The following SMC4 variants were observed in gnomAD, a reference collection of about 807,000 sequenced individuals.
The protein encoded by SMC4 is structural maintenance of chromosomes 4.
A neutral mutation model predicts 145.6 loss-of-function variants in SMC4; 87 were observed. The observed-to-expected ratio is 0.60, with a 90% CI of 0.50 to 0.71. The LOEUF (loss-of-function observed/expected upper bound fraction) is 0.71. Ranked by LOEUF, SMC4 falls within the 30% of genes least tolerant of loss-of-function variation. The pLI, the probability that SMC4 is intolerant of heterozygous loss-of-function variation, is 0.00. For synonymous variants in SMC4, 558 were observed against 500.7 expected, an observed-to-expected ratio of 1.11 and a Z score of -1.53; for missense variants, 1,447 against 1,537.1, an observed-to-expected ratio of 0.94 and a Z score of 0.98.
intron 20 of SMC4, 95 bp downstream of exon 20, chr3:160,431,300 TTTTG>T (rs1339607948): frequency 4.8e-6 from 5 of 1,050,754 alleles, no homozygotes; most frequent in African/African-American, 1.6e-5. Flanking sequence ...GGTTCTTAAA[TTTTG>T]TTTGTGAGCT....
chr3:160,418,011 T>C (rs1716769955), intron 11 of SMC4, 55 bp downstream of exon 11: 1 of 1,443,718 alleles, frequency 6.9e-7, no homozygotes, highest in South Asian at 1.2e-5. Context: ...TTCAGCTTTA[T>C]ACATTTTTGT....
intron 7 of SMC4, chr3:160,412,708 A>T: frequency 1.3e-6 from 1 of 771,136 alleles, no homozygotes. Context: ...CAAAAAAAGG[A>T]ATTATGTGGT....
At chr3:160,412,501 A>G (rs1226073194) in intron 7 of SMC4, 48 bp downstream of exon 7, 1 of 1,537,180 alleles carries the variant, frequency 6.5e-7, no homozygotes, top group Non-Finnish European at 8.8e-7. Flanking sequence ...GTTTTTAACC[A>G]TTAAGTCAAA....
At chr3:160,418,553 T>C (rs1314393144) in intron 11 of SMC4, among the ~76,000 whole-genome samples, 3 of 152,232 alleles carry the variant, frequency 2.0e-5, no homozygotes, top group Non-Finnish European at 4.4e-5. Context: ...TGAGTCTTTT[T>C]CATTTTAGTT....
At chr3:160,423,342 C>A in intron 13 of SMC4, 83 bp from the exon 14 acceptor site, 1 of 968,434 alleles carries the variant, frequency 1.0e-6, no homozygotes, top group Non-Finnish European at 1.5e-6. Context: ...TGAATTTATT[C>A]CTATGGGTTT....
intron 23 of SMC4, 141 bp downstream of exon 23, chr3:160,433,350 G>A (rs1718626327): frequency 1.7e-6 from 1 of 591,838 alleles, no homozygotes; most frequent in African/African-American, 1.9e-5. Context: ...GGTATCAGTG[G>A]AGACCAAATT....
At position 160,411,973 on chromosome 3, in the gene SMC4, T is replaced by C. The variant is rs1716036107; in HGVS notation, c.741T>C (p.Asp247=). The C allele has an allele frequency of 6.2e-7, 1 of 1,613,498 alleles. No individual in the cohort carries two copies. The highest frequency in any genetic ancestry group is 8.5e-7 in the Non-Finnish European group (1 of 1,179,680). ...AACCAAAAGGCCAGACTGAACACGA[T>C]GAGGGTATGCTTGAATATTTAGAAG... is the stretch of plus-strand genomic sequence containing the variant. ...MMKPKGQTEH[D]EGMLEYLEDI... is the part of the protein sequence containing the mutation. Residue 247 remains aspartate, a synonymous_variant, in exon 6 of 24, where the codon GAT becomes GAC. Coordinates refer to ENST00000357388, the MANE Select transcript of SMC4 (RefSeq NM_001002800.3).
rs1479074384 is a variant in SMC4, at chr3:160,434,278, T to A, written c.*469T>A. The stretch of plus-strand genomic sequence containing the variant: ...TGAACATATTTTTGTAAACCAGTCA[T>A]TCTGAATTATAGTGATGAGAATTTA... On this transcript the variant is annotated 3_prime_UTR_variant, in exon 24 of 24. Transcript: ENST00000357388. 6.6e-6 allele frequency: 1 copy of A among 152,620 alleles called. No individual in the cohort carries two copies. Among genetic ancestry groups the A allele is most frequent in the Admixed American group, 6.5e-5 (1 of 15,288 alleles). The allele number at this position is 152,620 out of a possible 1,614,324, so 9.5% of individuals were successfully genotyped here.
At chr3:160,423,877 T>C (rs80324252) in intron 15 of SMC4, 37 bp downstream of exon 15, 38,204 of 1,556,920 alleles carry the variant, frequency 0.025, 624 homozygotes, top group Non-Finnish European at 0.029. Context: ...ACTTTTTTTT[T>C]TTTTTAAATA....
In SMC4 at chr3:160,433,657, G is replaced by T; in HGVS notation, c.3715G>T (p.Glu1239Ter). 1 of 1,527,220 alleles carries T rather than the reference G, an allele frequency of 6.5e-7. No homozygotes were observed. Among genetic ancestry groups the T allele is most frequent in the South Asian group, 1.3e-5 (1 of 78,404 alleles). The allele number at this position is 1,527,220 out of a possible 1,614,324, so 94.6% of individuals were successfully genotyped here. A position where few individuals can be genotyped will look rare whatever the true frequency, so the allele number is the denominator to read the frequency against. ...TTGACTTTTCTTTGTTTCTCTTTAG[G>T]AACAAACAAAAAATGCACAGTTCAT... ...NVSIVAFYIY[E>*]QTKNAQFIII... Residue 1239 changes from glutamate to a stop codon, truncating the protein, a stop_gained and splice_region_variant, in exon 24 of 24, where the codon GAA (glutamate) becomes TAA (stop). Coordinates refer to ENST00000357388, the MANE Select transcript of SMC4 (RefSeq NM_001002800.3). LOFTEE classifies it high-confidence loss of function.
chr3:160,404,880 T>A (rs963428940), intron 5 of SMC4: 1 of 417,908 alleles, frequency 2.4e-6, no homozygotes, highest in Non-Finnish European at 4.9e-6. Flanking sequence ...AGGTAACATT[T>A]TAAATGAAAT....
rs1718360666 is a variant in SMC4 at position 160,431,132 on chromosome 3, T to C, written c.3041T>C (p.Ile1014Thr). The C allele has an allele frequency of 6.2e-7, 1 of 1,606,498 alleles. No homozygotes were observed. The highest frequency in any genetic ancestry group is 1.3e-5 in the African/African-American group (1 of 74,488). The part of the protein sequence containing the change: ...EHALQKDALS[I>T]KLKLEQIDGH... ...GCTCTTCAAAAAGATGCACTTAGTA[T>C]TAAGTTGAAACTTGAACAAATAGAT... Residue 1014 changes from isoleucine (I) to threonine (T), a missense_variant, in exon 20 of 24, where the codon ATT (isoleucine) becomes ACT (threonine). Ile to Thr is a moderately conservative substitution (Grantham distance 89). Transcript: ENST00000357388.
At chr3:160,409,869 C>G (rs1279650679) in intron 5 of SMC4, among the ~76,000 whole-genome samples, 1 of 152,110 alleles carries the variant, frequency 6.6e-6, no homozygotes, top group Non-Finnish European at 1.5e-5. Flanking sequence ...GAGTTCGAGA[C>G]CAGCCTGGGC....
At position 160,431,106 on chromosome 3, in the gene SMC4, T is replaced by C; in HGVS notation, c.3015T>C (p.His1005=). ...TAAAAGTTATTCAAGAAAATGAACATGCTCTTCAAAAAGATGCACTTAGTA... is the reference window on the plus strand; with the variant it reads ...TAAAAGTTATTCAAGAAAATGAACACGCTCTTCAAAAAGATGCACTTAGTA... The part of the protein sequence containing the change: ...QELKVIQENE[H]ALQKDALSIK... Residue 1005 remains histidine (H), a synonymous_variant, in exon 20 of 24, where the codon CAT becomes CAC. Coordinates refer to ENST00000357388, the MANE Select transcript of SMC4 (RefSeq NM_001002800.3). The C allele has an allele frequency of 6.2e-7, 1 of 1,608,466 alleles. No homozygotes were observed. The highest frequency in any genetic ancestry group is 1.7e-4 in the Middle Eastern group (1 of 5,982).
chr3:160,430,851 G>T, intron 19 of SMC4, 108 bp downstream of exon 19: 1 of 1,319,962 alleles, frequency 7.6e-7, no homozygotes, highest in Non-Finnish European at 1.0e-6. Flanking sequence ...TAGACTTAAA[G>T]TTTTATAACT....
chr3:160,412,897 A>G (rs1716166180), intron 7 of SMC4: 1 of 755,884 alleles, frequency 1.3e-6, no homozygotes, highest in Non-Finnish European at 1.6e-6. Flanking sequence ...TTACGTGTGC[A>G]CTTTTTAAAA....
chr3:160,400,201 T>TTG (rs1407254725), intron 1 of SMC4: 1 of 152,396 alleles, frequency 6.6e-6, no homozygotes, highest in Non-Finnish European at 1.5e-5. Flanking sequence ...AGCGTCCGAC[T>TTG]TGAAGTTGCT....
At chr3:160,422,947 CCCAA>C (rs1717339342) in intron 13 of SMC4, among the ~76,000 whole-genome samples, 1 of 152,152 alleles carries the variant, frequency 6.6e-6, no homozygotes, top group South Asian at 2.1e-4. Flanking sequence ...GTTGAAACCA[CCCAA>C]CCATTAATGT....
At chr3:160,428,654 G>C in intron 17 of SMC4, 99 bp from the exon 18 acceptor site, 1 of 1,049,122 alleles carries the variant, frequency 9.5e-7, no homozygotes. Flanking sequence ...TTGTTTTAAT[G>C]CATCACGTCA....
Sources: gnomAD v4.1 joint callset for allele counts (sites outside exome capture counted in the v4.1 genomes callset) on GRCh38, gnomAD v4.1.1 for gene constraint, MANE v1.5 for transcripts, NCBI Gene and HGNC (gene_info 2026-07-23, HGNC 2026-07-21) for gene names.